Variants in NPAT observed in about 807,000 individuals in gnomAD.
NPAT encodes protein NPAT.
In NPAT, 52 loss-of-function variants were observed where a neutral mutation model predicts 130.7. That is an observed-to-expected ratio of 0.40 (90% CI 0.32 to 0.50). The LOEUF is 0.50. Ranked by LOEUF, NPAT falls within the 20% of genes least tolerant of loss-of-function variation. The probability of loss-of-function intolerance (pLI) is 0.68; values close to 1 mark genes in which losing one functional copy is unlikely to be tolerated. For synonymous variants in NPAT, 580 were observed against 584.8 expected (o/e 0.99, Z 0.12); for missense variants, 1,687 against 1,662.6 (o/e 1.01, Z -0.26).
intron 1 of NPAT, among the ~76,000 whole-genome samples, chr11:108,214,498 G>C (rs1174466214): frequency 6.6e-6 from 1 of 151,968 alleles, no homozygotes; most frequent in Non-Finnish European, 1.5e-5. Context: ...TGGAGTGATG[G>C]AAATATTGAA....
At position 108,173,705 on chromosome 11, in the gene NPAT, C is replaced by T. The variant is rs748820751; in HGVS notation, c.1279G>A (p.Ala427Thr). The change falls in exon 13 of 18, where the codon GCC becomes ACC. Residue 427 changes from alanine (A) to threonine (T), a missense_variant. Ala to Thr is a moderately conservative substitution (Grantham distance 58, BLOSUM62 0). This residue lies in a region of NPAT where 1,379 missense variants were observed against 1,346.6 expected (regional missense o/e 1.02). Transcript: ENST00000278612. ...SQISTSIQKKAFKTAVPTEQK... is the reference protein window; with the variant it reads ...SQISTSIQKKTFKTAVPTEQK... ...TCAGTGGGTACAGCTGTTTTAAAGG[C>T]CTTTTTCTGTATGCTGGTACTTATT... 3 of 1,614,144 alleles carry T rather than the reference C, an allele frequency of 1.9e-6. No homozygotes were observed. The highest frequency in any genetic ancestry group is 2.2e-5 in the East Asian group (1 of 44,868).
At chr11:108,165,470 A>ATTTT (rs1196381941) in intron 15 of NPAT, among the ~76,000 whole-genome samples, 136 of 117,864 alleles carry the variant, frequency 1.2e-3, no homozygotes, top group African/African-American at 4.3e-3. Context: ...ATATATATAT[A>ATTTT]TATTTTTTTT....
At chr11:108,160,735 A>G (rs1353475366) in intron 17 of NPAT, 145 bp downstream of exon 17, 5 of 724,368 alleles carry the variant, frequency 6.9e-6, no homozygotes, top group African/African-American at 1.8e-5. Flanking sequence ...TCCTGTGATC[A>G]TGGTTATGTA....
At chr11:108,187,778 A>T (rs1346154797) in intron 7 of NPAT, among the ~76,000 whole-genome samples, 1 of 152,208 alleles carries the variant, frequency 6.6e-6, no homozygotes, top group Non-Finnish European at 1.5e-5. Flanking sequence ...ACATAACTGT[A>T]TTATTTACAT....
rs1458054667 is a variant in NPAT at position 108,161,783 on chromosome 11, G to A, written c.3303C>T (p.Pro1101=). Residue 1101 remains proline, a synonymous_variant, in exon 17 of 18, where the codon CCC becomes CCT. Transcript: ENST00000278612. ...GGGGTTTTAAGGTGGAGGACACATT[G>A]GGTGAGTCAAGATTAGGAAAAGAGA... ...NAVSFPNLDS[P]NVSSTLKPPS... The A allele has an allele frequency of 6.2e-7, 1 of 1,613,906 alleles. No individual in the cohort carries two copies. The highest frequency in any genetic ancestry group is 8.5e-7 in the Non-Finnish European group (1 of 1,180,012).
At chr11:108,160,794 G>A in intron 17 of NPAT, 86 bp downstream of exon 17, 1 of 1,210,982 alleles carries the variant, frequency 8.3e-7, no homozygotes. Flanking sequence ...GTTCAGTCAA[G>A]TTGTTGTGGC....
At position 108,193,957 on chromosome 11, in the gene NPAT, C is replaced by T. The variant is rs759699527; in HGVS notation, c.217G>A (p.Glu73Lys). Reference protein sequence around the residue: ...LNEYVAMKTKETSNNVPAIMS... With the variant: ...LNEYVAMKTKKTSNNVPAIMS... Reference sequence around the variant, plus strand: ...AAAAACTCCAAATCAGAACTCTTACCTTTTGTTTTCATAGCTACATACTCA... The same window carrying T: ...AAAAACTCCAAATCAGAACTCTTACTTTTTGTTTTCATAGCTACATACTCA... Residue 73 changes from glutamate to lysine, a missense_variant and splice_region_variant, in exon 3 of 18, where the codon GAA (glutamate) becomes AAA (lysine). Glu to Lys is a moderately conservative substitution (Grantham distance 56). Coordinates refer to ENST00000278612, the MANE Select transcript of NPAT (RefSeq NM_002519.3). 2.6e-6 allele frequency: 4 copies of T among 1,554,002 alleles called. No homozygotes were observed. The highest frequency in any genetic ancestry group is 1.8e-6 in the Non-Finnish European group (2 of 1,126,392).
At chr11:108,163,418 G>A (rs1412099597) in intron 15 of NPAT, among the ~76,000 whole-genome samples, 1 of 152,114 alleles carries the variant, frequency 6.6e-6, no homozygotes. Flanking sequence ...GCATGAATAG[G>A]TTTATGTCTT....
chr11:108,211,435 T>C (rs184670276), intron 1 of NPAT, among the ~76,000 whole-genome samples: 6 of 151,288 alleles, frequency 4.0e-5, no homozygotes, highest in Non-Finnish European at 7.4e-5. Flanking sequence ...CCCAGCTACT[T>C]GGGAGGCTGA....
chr11:108,210,533 A>G (rs1332362258), intron 1 of NPAT, among the ~76,000 whole-genome samples: 1 of 152,174 alleles, frequency 6.6e-6, no homozygotes, highest in East Asian at 1.9e-4. Context: ...TGCCAGCACC[A>G]TGCTTCCTGC....
chr11:108,197,272 A>C lies in NPAT; in HGVS notation c.156+30T>G, dbSNP rs1186749281. ...TGTTTTTAGTCTCTTGTGTTGATGA[A>C]ATATTTCCCTTAAGGAACAAATAAC... is the stretch of plus-strand genomic sequence containing the variant. On this transcript the variant is annotated intron_variant, in intron 2 of 17. Transcript: ENST00000278612. 2.2e-6 allele frequency: 3 copies of C among 1,359,096 alleles called. No individual in the cohort carries two copies. The African/African-American group carries it at 4.3e-5, about 19-fold the overall frequency. The allele number at this position is 1,359,096 out of a possible 1,614,324, so 84.2% of individuals were successfully genotyped here.
chr11:108,186,539 A>C lies in NPAT; in HGVS notation c.669T>G (p.Ser223=), dbSNP rs1426237446. The C allele has an allele frequency of 6.2e-7, 1 of 1,614,002 alleles. No individual in the cohort carries two copies. The highest frequency in any genetic ancestry group is 8.5e-7 in the Non-Finnish European group (1 of 1,179,994). Residue 223 remains serine (S), a synonymous_variant, in exon 8 of 18, where the codon TCT becomes TCG. Coordinates refer to ENST00000278612, the MANE Select transcript of NPAT (RefSeq NM_002519.3). The part of the protein sequence containing the change: ...SESQRKSTTL[S]GPHSTIRNFQ... Reference sequence around the variant, plus strand: ...AATTCCGTATTGTTGAATGAGGGCCAGACAAAGTGGTACTTTTTCTCTGAG... The same window carrying C: ...AATTCCGTATTGTTGAATGAGGGCCCGACAAAGTGGTACTTTTTCTCTGAG...
chr11:108,173,874 A>G (rs2134838694), intron 12 of NPAT, 23 bp from the exon 13 acceptor site: 2 of 1,596,866 alleles, frequency 1.3e-6, no homozygotes, highest in East Asian at 4.5e-5. Context: ...AGGCAGGTAG[A>G]CAGATATGGT....
chr11:108,207,146 A>T (rs1272056846), intron 1 of NPAT, among the ~76,000 whole-genome samples: 1 of 152,080 alleles, frequency 6.6e-6, no homozygotes, highest in Non-Finnish European at 1.5e-5. Context: ...GATGAGACCC[A>T]CAGTGAGTAG....
chr11:108,216,468 C>T (rs552307530), intron 1 of NPAT, among the ~76,000 whole-genome samples: 1 of 151,040 alleles, frequency 6.6e-6, no homozygotes, highest in African/African-American at 2.4e-5. Flanking sequence ...ACAATATATT[C>T]ATGACACTAA....
Position 108,160,935 on chromosome 11 carries a change from G to T in NPAT, c.4151C>A (p.Pro1384His). The T allele has an allele frequency of 6.2e-7, 1 of 1,614,056 alleles. No homozygotes were observed. The highest frequency in any genetic ancestry group is 8.5e-7 in the Non-Finnish European group (1 of 1,179,992). ...ELDERERNSR[P>H]SSKNLTNSSI... ...TGAATTTGTAAGATTTTTACTAGAA[G>T]GACGAGAGTTTCGCTCACGTTCATC... The change falls in exon 17 of 18, where the codon CCT (proline) becomes CAT (histidine). Residue 1384 changes from proline to histidine, a missense_variant. This residue lies in a region of NPAT where 1,379 missense variants were observed against 1,346.6 expected (regional missense o/e 1.02). Coordinates refer to ENST00000278612, the MANE Select transcript of NPAT (RefSeq NM_002519.3).
In NPAT at chr11:108,185,513, GT is replaced by G; in HGVS notation, c.727-20del. Reference sequence around the variant, plus strand: ...CCATTTGCTGGAAAAGAAAGCCACTGTTAGCAAAAGGACAATAAAGAGTATT... The same window carrying G: ...CCATTTGCTGGAAAAGAAAGCCACTGTAGCAAAAGGACAATAAAGAGTATT... On this transcript the variant is annotated intron_variant, in intron 8 of 17. Coordinates refer to ENST00000278612, the MANE Select transcript of NPAT (RefSeq NM_002519.3). The G allele has an allele frequency of 6.8e-7, 1 of 1,461,298 alleles. No homozygotes were observed. The highest frequency in any genetic ancestry group is 1.4e-5 in the African/African-American group (1 of 71,834). 90.5% of individuals were successfully genotyped at this position (1,461,298 alleles called of 1,614,324 possible).
At chr11:108,207,267 T>C (rs2078337855) in intron 1 of NPAT, among the ~76,000 whole-genome samples, 1 of 152,128 alleles carries the variant, frequency 6.6e-6, no homozygotes. Context: ...TGGACAGCCA[T>C]GGGTGGGTGC....
chr11:108,217,994 A>C (rs2078449685), intron 1 of NPAT, among the ~76,000 whole-genome samples: 1 of 152,240 alleles, frequency 6.6e-6, no homozygotes, highest in African/African-American at 2.4e-5. Flanking sequence ...TTCTGTCTCA[A>C]GAAATAAATA....
Sources: gnomAD v4.1 joint callset for allele counts (sites outside exome capture counted in the v4.1 genomes callset) on GRCh38, gnomAD v4.1.1 for gene constraint, gnomAD v4.1.1 regional missense constraint, MANE v1.5 for transcripts, NCBI Gene and HGNC (gene_info 2026-07-23, HGNC 2026-07-21) for gene names.